Variants in KAZN observed in about 807,000 individuals in gnomAD.
KAZN encodes the protein kazrin.
A neutral mutation model predicts 87.4 loss-of-function variants in KAZN; 40 were observed. The observed-to-expected ratio is 0.46, with a 90% CI of 0.36 to 0.60. The LOEUF is 0.60. KAZN is among the 20% of genes least tolerant of loss of function. KAZN has a pLI of 0.00. For synonymous variants in KAZN, 466 were observed against 458.3 expected (o/e 1.02, Z -0.22); for missense variants, 898 against 1,073.9 (o/e 0.84, Z 2.29).
chr1:14,185,465 C>T (rs1042072052), intron 2 of KAZN, among the ~76,000 whole-genome samples: 4 of 152,190 alleles, frequency 2.6e-5, no homozygotes, highest in African/African-American at 9.7e-5. Flanking sequence ...TAGCACATCC[C>T]CTGAAATAAT....
rs940680977 is a variant in KAZN at position 14,175,659 on chromosome 1, G to T, written c.92-4776G>T. 1.7e-4 allele frequency among the ~76,000 whole-genome samples: 26 copies of T among 152,128 alleles called. 1 individual carries two copies. Among genetic ancestry groups the T allele is most frequent in the African/African-American group, 6.0e-4 (25 of 41,434 alleles). On this transcript the variant is annotated intron_variant, in intron 1 of 16. Transcript: ENST00000636203. ...GATGCAGTTTGAGAACCCCAAATCC[G>T]CTAGCCTACTTAGAGTGAAAAGCAA...
At chr1:15,040,727 C>T (rs904235637) in intron 3 of KAZN, among the ~76,000 whole-genome samples, 3 of 151,424 alleles carry the variant, frequency 2.0e-5, no homozygotes, top group Admixed American at 6.6e-5. Context: ...GATCGCACCA[C>T]TACACTCCAG....
chr1:13,927,349 G>A (rs1027056335), intron 1 of KAZN, among the ~76,000 whole-genome samples: 1 of 152,166 alleles, frequency 6.6e-6, no homozygotes, highest in Non-Finnish European at 1.5e-5. Flanking sequence ...GAGCACAGTG[G>A]GGCATTACAG....
In KAZN at chr1:14,834,415, G is replaced by T. The variant is rs1350467343; in HGVS notation, c.227-126269G>T. Among the ~76,000 whole-genome samples, 3 of 143,556 alleles carry T rather than the reference G, an allele frequency of 2.1e-5. No individual in the cohort carries two copies. The East Asian group carries it at 6.2e-4, about 30-fold the overall frequency. The allele number at this position is 143,556 out of a possible 152,430, so 94.2% of individuals were successfully genotyped here. A position where few individuals can be genotyped will look rare whatever the true frequency, so the allele number is the denominator to read the frequency against. On this transcript the variant is annotated intron_variant, in intron 1 of 14. Coordinates refer to ENST00000376030, the MANE Select transcript of KAZN (RefSeq NM_201628.3). ...CTCGCTCTGTCACCCAGGCTGGAGT[G>T]CAGTGGCATGATCTCGGCTCACTGC...
At position 14,184,171 on chromosome 1, in the gene KAZN, T is replaced by A. The variant is rs765532991; in HGVS notation, c.249+3579T>A. Among the ~76,000 whole-genome samples the A allele has an allele frequency of 6.6e-6, 1 of 152,048 alleles. No homozygotes were observed. Among genetic ancestry groups the A allele is most frequent in the East Asian group, 1.9e-4 (1 of 5,180 alleles). On this transcript the variant is annotated intron_variant, in intron 2 of 16. Transcript: ENST00000636203. The surrounding 1 kb of genome is among the most constrained non-coding windows in gnomAD (Gnocchi z 4.2). ...TTTGCTTTACTCTTCAAACTCTCCG[T>A]TTTTCCTTCTGCCCTTGTCTCCTCT...
intron 2 of KAZN, among the ~76,000 whole-genome samples, chr1:14,583,424 C>G (rs772999698): frequency 1.3e-5 from 2 of 152,168 alleles, no homozygotes; most frequent in African/African-American, 4.8e-5. Context: ...TGGGAATGCT[C>G]TAGGAGATGC....
chr1:14,883,955 A>C (rs1279543727), intron 1 of KAZN, among the ~76,000 whole-genome samples: 1 of 152,228 alleles, frequency 6.6e-6, no homozygotes, highest in African/African-American at 2.4e-5. Context: ...AATAGGGTAC[A>C]GGAATGGGGT....
intron 8 of KAZN, among the ~76,000 whole-genome samples, chr1:15,080,096 T>C (rs1269609241): frequency 6.6e-6 from 1 of 151,996 alleles, no homozygotes; most frequent in Non-Finnish European, 1.5e-5. Flanking sequence ...TTTGGAAAAT[T>C]TTCAGAGTGT....
intron 2 of KAZN, among the ~76,000 whole-genome samples, chr1:14,536,452 C>T (rs1672511007): frequency 6.6e-6 from 1 of 152,290 alleles, no homozygotes. Context: ...ATGTGTATGC[C>T]TTCCAGCAAG....
rs140833428 is a variant in KAZN, at chr1:14,124,601, C to A, written c.92-55834C>A. Among the ~76,000 whole-genome samples, 24 of 152,326 alleles carry A rather than the reference C, an allele frequency of 1.6e-4. No individual in the cohort carries two copies. The East Asian group carries it at 4.4e-3, about 28-fold the overall frequency. Reference sequence around the variant, plus strand: ...CTCACACAGAAAAAGAAGGAAAGATCTTTTCTTATTTATTGCTTAAGCTCT... The same window carrying A: ...CTCACACAGAAAAAGAAGGAAAGATATTTTCTTATTTATTGCTTAAGCTCT... On this transcript the variant is annotated intron_variant, in intron 1 of 16. Transcript: ENST00000636203.
chr1:14,215,307 G>A (rs774560198), intron 2 of KAZN, among the ~76,000 whole-genome samples: 8 of 152,202 alleles, frequency 5.3e-5, no homozygotes, highest in Non-Finnish European at 1.0e-4. Flanking sequence ...GCTGTGTCAG[G>A]AGAGTCCCCA....
intron 5 of KAZN, among the ~76,000 whole-genome samples, chr1:15,059,872 C>T (rs903486366): frequency 3.3e-5 from 5 of 151,926 alleles, no homozygotes; most frequent in Non-Finnish European, 7.3e-5. Flanking sequence ...GACTTGGAAA[C>T]GAGGAGACTT....
At chr1:14,006,568 ATTTTC>A (rs1557777602) in intron 1 of KAZN, among the ~76,000 whole-genome samples, 1 of 151,944 alleles carries the variant, frequency 6.6e-6, no homozygotes, top group Non-Finnish European at 1.5e-5. Flanking sequence ...TGAATATTTA[ATTTTC>A]TTAACATCAT....
In KAZN at chr1:14,110,842, G is replaced by A. The variant is rs184942145; in HGVS notation, c.92-69593G>A. Among the ~76,000 whole-genome samples, 888 of 134,964 alleles carry A rather than the reference G, an allele frequency of 6.6e-3. 190 individuals are homozygous for A. The highest frequency in any genetic ancestry group is 9.5e-3 in the Admixed American group (130 of 13,642). 88.5% of individuals were successfully genotyped at this position (134,964 alleles called of 152,430 possible). A position where few individuals can be genotyped will look rare whatever the true frequency, so the allele number is the denominator to read the frequency against. Reference sequence around the variant, plus strand: ...TTTTATATTGACTACATGTTAAGATGACAATGACGATGTTTTGGCTGTGCT... The same window carrying A: ...TTTTATATTGACTACATGTTAAGATAACAATGACGATGTTTTGGCTGTGCT... On this transcript the variant is annotated intron_variant, in intron 1 of 16. Coordinates refer to the KAZN transcript ENST00000636203.
intron 2 of KAZN, among the ~76,000 whole-genome samples, chr1:14,555,401 G>A (rs973020937): frequency 3.3e-5 from 5 of 152,108 alleles, no homozygotes; most frequent in African/African-American, 4.8e-5. Flanking sequence ...GCATAAATAC[G>A]GGATCTCCAA....
intron 2 of KAZN, among the ~76,000 whole-genome samples, chr1:15,003,482 C>A (rs1668705252): frequency 6.6e-6 from 1 of 152,128 alleles, no homozygotes; most frequent in Non-Finnish European, 1.5e-5. Flanking sequence ...GGCAGGTTAT[C>A]CCATACCAGT....
intron 1 of KAZN, among the ~76,000 whole-genome samples, chr1:14,625,257 C>T (rs1679052605): frequency 6.6e-6 from 1 of 152,098 alleles, no homozygotes; most frequent in Admixed American, 6.5e-5. Flanking sequence ...GAGGGTAATA[C>T]CATTAATTAA....
intron 2 of KAZN, among the ~76,000 whole-genome samples, chr1:14,587,778 C>G (rs566166176): frequency 1.2e-3 from 178 of 152,276 alleles, no homozygotes; most frequent in Non-Finnish European, 2.2e-3. Flanking sequence ...ACCTTCAACA[C>G]TGAGGATTTC....
intron 1 of KAZN, chr1:14,692,381 C>A: frequency 3.2e-6 from 1 of 311,706 alleles, no homozygotes. Context: ...TTCCATACGT[C>A]AGTTTTTCTT....
Sources: allele counts gnomAD v4.1 joint callset (sites outside exome capture counted in the v4.1 genomes callset), GRCh38; gene constraint gnomAD v4.1.1; non-coding constraint Gnocchi (gnomAD v3.1); transcripts MANE v1.5; gene names NCBI Gene and HGNC (gene_info 2026-07-23, HGNC 2026-07-21).